ATF6: variants seen among roughly 807,000 people sequenced by gnomAD.
The protein encoded by ATF6 is cyclic AMP-dependent transcription factor ATF-6 alpha.
In ATF6, 53 loss-of-function variants were observed where a neutral mutation model predicts 83.6. The ratio of observed to expected loss-of-function variants is 0.63; its 90% CI spans 0.51 to 0.80. ATF6 has a LOEUF of 0.80. Ranked by LOEUF, ATF6 falls within the 30% of genes least tolerant of loss-of-function variation. The pLI is 0.00. For synonymous variants in ATF6, 288 were observed against 285.8 expected, an observed-to-expected ratio of 1.01 and a Z score of -0.08; for missense variants, 744 against 797.9, an observed-to-expected ratio of 0.93 and a Z score of 0.81.
chr1:161,955,278 TAAAACTCGA>T (rs1293264653), intron 15 of ATF6, among the ~76,000 whole-genome samples: 1 of 152,194 alleles, frequency 6.6e-6, no homozygotes, highest in Non-Finnish European at 1.5e-5. Flanking sequence ...TTTCCCCAGT[TAAAACTCGA>T]TCTGATAGTT....
intron 3 of ATF6, among the ~76,000 whole-genome samples, chr1:161,782,597 A>G (rs1202897055): frequency 1.3e-5 from 2 of 152,284 alleles, no homozygotes; most frequent in East Asian, 3.9e-4. Context: ...AGCTGGGAAT[A>G]ATTTATATCA....
At chr1:161,937,733 C>T (rs559940298) in intron 15 of ATF6, among the ~76,000 whole-genome samples, 2 of 151,542 alleles carry the variant, frequency 1.3e-5, no homozygotes, top group East Asian at 1.9e-4. Context: ...CACATCGGGG[C>T]CTTTCGGGGG....
rs1364149801 is a variant in ATF6 at position 161,846,548 on chromosome 1, A to G, written c.1287A>G (p.Thr429=). The G allele has an allele frequency of 6.2e-7, 1 of 1,609,794 alleles. No individual in the cohort carries two copies. The highest frequency in any genetic ancestry group is 1.3e-5 in the African/African-American group (1 of 74,816). ...LGFSAKEAQD[T]SDGIIQKNSY... is the part of the protein sequence containing the mutation. ...TTTCTGCTAAAGAGGCACAGGACAC[A>G]TCAGATGGTATTATCCAGAAAAACA... Residue 429 remains threonine, a synonymous_variant, in exon 10 of 16, where the codon ACA becomes ACG. Coordinates refer to ENST00000367942, the MANE Select transcript of ATF6 (RefSeq NM_007348.4).
chr1:161,900,096 C>T (rs1687752038), intron 14 of ATF6, among the ~76,000 whole-genome samples: 1 of 152,158 alleles, frequency 6.6e-6, no homozygotes, highest in African/African-American at 2.4e-5. Context: ...CCATCACTTA[C>T]TGATTCACCA....
chr1:161,914,573 C>G (rs1688053100), intron 15 of ATF6, among the ~76,000 whole-genome samples: 2 of 152,156 alleles, frequency 1.3e-5, no homozygotes, highest in Non-Finnish European at 2.9e-5. Context: ...TAATCTAGAC[C>G]TTATCATCAT....
chr1:161,900,972 TAAAC>T (rs1351678459), intron 14 of ATF6, among the ~76,000 whole-genome samples: 10 of 152,168 alleles, frequency 6.6e-5, no homozygotes, highest in Non-Finnish European at 1.5e-4. Context: ...TGGTGTTATG[TAAAC>T]ATATGACATA....
intron 15 of ATF6, among the ~76,000 whole-genome samples, chr1:161,954,735 A>G (rs74478443): frequency 0.013 from 1,913 of 152,290 alleles, 46 homozygotes; most frequent in African/African-American, 0.043. Context: ...GGCATTCAGA[A>G]TCATAGTTTA....
At chr1:161,805,146 T>C (rs568093992) in intron 7 of ATF6, among the ~76,000 whole-genome samples, 2 of 152,264 alleles carry the variant, frequency 1.3e-5, no homozygotes, top group South Asian at 4.2e-4. Flanking sequence ...ATTGTATGAA[T>C]GTATATTCAG....
intron 15 of ATF6, among the ~76,000 whole-genome samples, chr1:161,948,206 C>G (rs1221609801): frequency 6.6e-6 from 1 of 152,128 alleles, no homozygotes; most frequent in Admixed American, 6.5e-5. Flanking sequence ...GTGACCACTA[C>G]TAGTTGTTCA....
At chr1:161,793,419 A>G (rs1684932076) in intron 6 of ATF6, among the ~76,000 whole-genome samples, 1 of 152,222 alleles carries the variant, frequency 6.6e-6, no homozygotes, top group African/African-American at 2.4e-5. Context: ...GAAAAGTAGC[A>G]TTCCTATAGA....
chr1:161,912,433 G>T (rs539351517), intron 15 of ATF6, 53 bp downstream of exon 15: 1 of 1,264,152 alleles, frequency 7.9e-7, no homozygotes, highest in Non-Finnish European at 1.1e-6. Flanking sequence ...GTTTAACCAG[G>T]ATTCTCTTCA....
At position 161,958,651 on chromosome 1, in the gene ATF6, A is replaced by T; in HGVS notation, c.2010A>T (p.Gln670His). The stretch of plus-strand genomic sequence containing the variant: ...TCAGCACCATCCCTGAGTCATTACA[A>T]TAGCACCCTGCAGCTATGCTGGAAA... ...HVVSTIPESLQ is the reference protein window; with the variant it reads ...HVVSTIPESLH The change falls in exon 16 of 16, where the codon CAA becomes CAT. Residue 670 changes from glutamine (Q) to histidine (H), a missense_variant. Gln to His is a conservative substitution (Grantham distance 24). Transcript: ENST00000367942. 6.2e-7 allele frequency: 1 copy of T among 1,608,942 alleles called. No homozygotes were observed. The highest frequency in any genetic ancestry group is 8.5e-7 in the Non-Finnish European group (1 of 1,177,346).
Position 161,851,704 on chromosome 1 carries a change from T to C in ATF6, c.1320-18T>C. ...ATTTAAGATACAAGGAAACAAATTT[T>C]GTGCATCCATGTTTCAGATATGATC... On this transcript the variant is annotated intron_variant, in intron 10 of 15. Transcript: ENST00000367942. The C allele has an allele frequency of 6.4e-7, 1 of 1,568,748 alleles. No homozygotes were observed. The highest frequency in any genetic ancestry group is 1.1e-5 in the South Asian group (1 of 88,626).
chr1:161,782,036 A>T, intron 3 of ATF6, 37 bp downstream of exon 3: 1 of 1,430,816 alleles, frequency 7.0e-7, no homozygotes. Context: ...TTTTAAAAAG[A>T]TCAATTTTAT....
intron 1 of ATF6, among the ~76,000 whole-genome samples, chr1:161,774,406 T>TAC (rs60069049): frequency 0.24 from 35,094 of 148,372 alleles, 4,494 homozygotes; most frequent in Middle Eastern, 0.37. Flanking sequence ...TATGGATATG[T>TAC]ACACACACAC....
chr1:161,886,560 C>T (rs1419065981), intron 14 of ATF6, among the ~76,000 whole-genome samples: 1 of 152,122 alleles, frequency 6.6e-6, no homozygotes, highest in East Asian at 1.9e-4. Context: ...ATTTCTTAGC[C>T]ATGTTACTGA....
intron 15 of ATF6, among the ~76,000 whole-genome samples, chr1:161,943,302 C>G (rs974157907): frequency 6.6e-6 from 1 of 152,130 alleles, no homozygotes; most frequent in South Asian, 2.1e-4. Flanking sequence ...TGGCATTTCC[C>G]CTGCTTGTAC....
Position 161,811,100 on chromosome 1 carries a change from C to T in ATF6, c.910-8533C>T, listed in dbSNP as rs115933618. Among the ~76,000 whole-genome samples, 471 of 152,054 alleles carry T rather than the reference C, an allele frequency of 3.1e-3. 3 individuals carry two copies. The highest frequency in any genetic ancestry group is 0.011 in the African/African-American group (443 of 41,472). ...GTACATTTTCACAGTCTTTTAAGAA[C>T]GATTTTTAATATATAGAGTATAAAT... On this transcript the variant is annotated intron_variant, in intron 7 of 15. Coordinates refer to ENST00000367942, the MANE Select transcript of ATF6 (RefSeq NM_007348.4).
intron 15 of ATF6, among the ~76,000 whole-genome samples, chr1:161,918,463 A>G (rs147305784): frequency 1.1e-3 from 167 of 152,278 alleles, no homozygotes; most frequent in Non-Finnish European, 2.1e-3. Flanking sequence ...CTATAATTCT[A>G]TAGGATTCTT....
Sources: allele counts gnomAD v4.1 joint callset (sites outside exome capture counted in the v4.1 genomes callset), GRCh38; gene constraint gnomAD v4.1.1; transcripts MANE v1.5; gene names NCBI Gene and HGNC (gene_info 2026-07-23, HGNC 2026-07-21).